The following VAV2 variants were observed in gnomAD, a reference collection of about 807,000 sequenced individuals.
VAV2 encodes vav guanine nucleotide exchange factor 2.
In VAV2, 67 loss-of-function variants were observed where a neutral mutation model predicts 132.5. The ratio of observed to expected loss-of-function variants is 0.51; its 90% CI spans 0.42 to 0.62. The LOEUF (loss-of-function observed/expected upper bound fraction) is 0.62. Among genes scored for constraint, VAV2 ranks in the 20% least tolerant of loss-of-function variants. VAV2 has a pLI of 0.00. For synonymous variants in VAV2, 492 were observed against 443.5 expected, an observed-to-expected ratio of 1.11 and a Z score of -1.37; for missense variants, 938 against 1,153.6, an observed-to-expected ratio of 0.81 and a Z score of 2.71.
chr9:133,840,877 C>T lies in VAV2; in HGVS notation c.381-6537G>A, dbSNP rs1836693516. ...CACTGTGCCTACAGCTGCATGGTGG[C>T]CCCACAGTCCAGAGGGAGGGGCACA... is the stretch of plus-strand genomic sequence containing the variant. On this transcript the variant is annotated intron_variant, in intron 3 of 29. Transcript: ENST00000371850. The surrounding 1 kb of genome is among the most constrained non-coding windows in gnomAD (Gnocchi z 4.5). 6.6e-6 allele frequency among the ~76,000 whole-genome samples: 1 copy of T among 152,152 alleles called. No individual in the cohort carries two copies. Among genetic ancestry groups the T allele is most frequent in the South Asian group, 2.1e-4 (1 of 4,830 alleles).
At position 133,833,859 on chromosome 9, in the gene VAV2, G is replaced by A. The variant is rs548666004; in HGVS notation, c.449+413C>T. Reference sequence around the variant, plus strand: ...ACACACTCCTGTGCCCTGAACCTGCGCTCCAGGCAGCACCGCTCCCTCCTC... The same window carrying A: ...ACACACTCCTGTGCCCTGAACCTGCACTCCAGGCAGCACCGCTCCCTCCTC... On this transcript the variant is annotated intron_variant, in intron 4 of 29. Coordinates refer to ENST00000371850, the MANE Select transcript of VAV2 (RefSeq NM_001134398.2). The surrounding 1 kb of genome is among the most constrained non-coding windows in gnomAD (Gnocchi z 5.6). Among the ~76,000 whole-genome samples, 15 of 152,188 alleles carry A rather than the reference G, an allele frequency of 9.9e-5. No individual in the cohort carries two copies. Among genetic ancestry groups the A allele is most frequent in the Admixed American group, 8.5e-4 (13 of 15,298 alleles).
chr9:133,809,676 C>A (rs552811148), intron 6 of VAV2, among the ~76,000 whole-genome samples: 1 of 152,364 alleles, frequency 6.6e-6, no homozygotes, highest in African/African-American at 2.4e-5. Context: ...GATGACCCCC[C>A]ACCGCCAGCA....
At chr9:133,985,271 TG>T (rs1842824000) in intron 1 of VAV2, among the ~76,000 whole-genome samples, 1 of 141,388 alleles carries the variant, frequency 7.1e-6, no homozygotes, top group African/African-American at 2.7e-5. Flanking sequence ...TGTGTGTGTG[TG>T]TGTTTTGTTT....
chr9:133,795,781 T>C (rs769773973), intron 11 of VAV2, 45 bp from the exon 12 acceptor site: 2 of 1,601,336 alleles, frequency 1.2e-6, no homozygotes, highest in Non-Finnish European at 1.7e-6. Flanking sequence ...TCGGGGGTTC[T>C]GGCCTCTGCC....
In VAV2 at chr9:133,829,178, G is replaced by A. The variant is rs536567323; in HGVS notation, c.449+5094C>T. Among the ~76,000 whole-genome samples the A allele has an allele frequency of 1.6e-4, 24 of 152,354 alleles. No homozygotes were observed. The South Asian group carries it at 4.6e-3, about 29-fold the overall frequency. On this transcript the variant is annotated intron_variant, in intron 4 of 29. Coordinates refer to ENST00000371850, the MANE Select transcript of VAV2 (RefSeq NM_001134398.2). The stretch of plus-strand genomic sequence containing the variant: ...GGAAAAGCCATTATGCAAATGCAAG[G>A]TACTGATTATTAGAGCAATTTAAAA...
intron 3 of VAV2, among the ~76,000 whole-genome samples, chr9:133,852,959 C>T (rs923848575): frequency 1.9e-4 from 29 of 152,288 alleles, no homozygotes; most frequent in African/African-American, 6.7e-4. Flanking sequence ...GTGTGCCAGG[C>T]CCAGAGAGTC....
intron 2 of VAV2, among the ~76,000 whole-genome samples, chr9:133,896,743 T>G (rs759314750): frequency 1.3e-5 from 2 of 152,110 alleles, no homozygotes; most frequent in Non-Finnish European, 2.9e-5. Context: ...CGAAGAAAAG[T>G]TGATATTAAT....
At chr9:133,856,274 T>C (rs964676472) in intron 3 of VAV2, among the ~76,000 whole-genome samples, 1 of 152,226 alleles carries the variant, frequency 6.6e-6, no homozygotes. Flanking sequence ...AAGGGTTACA[T>C]TTATGTGATA....
At chr9:133,797,874 G>A in intron 9 of VAV2, 65 bp from the exon 10 acceptor site, 1 of 1,492,690 alleles carries the variant, frequency 6.7e-7, no homozygotes, top group Non-Finnish European at 9.1e-7. Flanking sequence ...GCTGCAGTGA[G>A]CCCGTCCATT....
intron 23 of VAV2, among the ~76,000 whole-genome samples, chr9:133,776,699 G>A (rs180818319): frequency 1.1e-3 from 164 of 152,302 alleles, no homozygotes; most frequent in Non-Finnish European, 5.7e-4. Context: ...CCTTGGTCAC[G>A]CAAAGTGCCC....
At chr9:133,806,234 G>A (rs1459830496) in intron 8 of VAV2, 53 bp from the exon 9 acceptor site, 19 of 1,550,590 alleles carry the variant, frequency 1.2e-5, no homozygotes, top group South Asian at 9.3e-5. Flanking sequence ...AAGGCTAGAC[G>A]GGAGCGCCGC....
chr9:133,942,001 G>C (rs1442646571), intron 1 of VAV2, among the ~76,000 whole-genome samples: 3 of 152,180 alleles, frequency 2.0e-5, no homozygotes, highest in Non-Finnish European at 4.4e-5. Flanking sequence ...GGGTGGTTTC[G>C]TGGGGAACAG....
intron 1 of VAV2, among the ~76,000 whole-genome samples, chr9:133,959,268 G>A (rs571716356): frequency 3.6e-4 from 55 of 152,170 alleles, no homozygotes; most frequent in Non-Finnish European, 7.5e-4. Flanking sequence ...GCTGCTGCAC[G>A]GAAGCCACAA....
At chr9:133,774,627 AC>A (rs1473335528) in intron 25 of VAV2, among the ~76,000 whole-genome samples, 4 of 152,136 alleles carry the variant, frequency 2.6e-5, no homozygotes, top group African/African-American at 9.6e-5. Context: ...ACAGGATCTC[AC>A]CCACCCACTT....
rs922630477 is a variant in VAV2 at position 133,912,952 on chromosome 9, G to A, written c.321+26151C>T. On this transcript the variant is annotated intron_variant, in intron 2 of 29. Transcript: ENST00000371850. This position sits in a 1 kb window ranked among gnomAD's most constrained non-coding sequence, Gnocchi z 4.3. ...ACTTCAGCCAGCACAGTCCACGGGC[G>A]GTGGAGTGCCATTTGGAACCGGGTT... 5.3e-5 allele frequency among the ~76,000 whole-genome samples: 8 copies of A among 152,158 alleles called. No individual in the cohort carries two copies. The highest frequency in any genetic ancestry group is 1.7e-4 in the African/African-American group (7 of 41,422).
chr9:133,870,886 A>ATAGGGG (rs147386791), intron 2 of VAV2, among the ~76,000 whole-genome samples: 1 of 116,380 alleles, frequency 8.6e-6, no homozygotes, highest in Non-Finnish European at 1.7e-5. Context: ...GGGTGGATGG[A>ATAGGGG]TATGGGTGAG....
chr9:133,820,934 C>T (rs973750401), intron 4 of VAV2, among the ~76,000 whole-genome samples: 1 of 144,938 alleles, frequency 6.9e-6, no homozygotes, highest in South Asian at 2.2e-4. Flanking sequence ...ACGCGGCACA[C>T]GGAACCAGAG....
intron 21 of VAV2, 43 bp from the exon 22 acceptor site, chr9:133,778,932 C>G: frequency 1.9e-6 from 3 of 1,600,026 alleles, no homozygotes; most frequent in South Asian, 2.2e-5. Context: ...CAGCAGCTCA[C>G]TCGGTGACTG....
intron 20 of VAV2, 57 bp from the exon 21 acceptor site, chr9:133,779,996 C>A: frequency 6.2e-7 from 1 of 1,607,334 alleles, no homozygotes; most frequent in Non-Finnish European, 8.5e-7. Context: ...TGACTGTGGC[C>A]CATGCATCAA....
Sources: allele counts gnomAD v4.1 joint callset (sites outside exome capture counted in the v4.1 genomes callset), GRCh38; gene constraint gnomAD v4.1.1; non-coding constraint Gnocchi (gnomAD v3.1); transcripts MANE v1.5; gene names NCBI Gene and HGNC (gene_info 2026-07-23, HGNC 2026-07-21).